The following ANO2 variants were observed in gnomAD, a reference collection of about 807,000 sequenced individuals.
ANO2 encodes anoctamin-2.
A neutral mutation model predicts 124.2 loss-of-function variants in ANO2; 101 were observed. The ratio of observed to expected loss-of-function variants is 0.81; its 90% CI spans 0.69 to 0.96. The LOEUF is 0.96. Ranked by LOEUF, ANO2 falls within the 40% of genes least tolerant of loss-of-function variation. ANO2 has a pLI of 0.00. For missense variants in ANO2, 1,293 were observed against 1,274.5 expected, an observed-to-expected ratio of 1.01 and a Z score of -0.22; for synonymous variants, 486 against 482.5, an observed-to-expected ratio of 1.01 and a Z score of -0.09.
chr12:5,803,578 G>T (rs1343997649), intron 9 of ANO2, among the ~76,000 whole-genome samples: 1 of 152,112 alleles, frequency 6.6e-6, no homozygotes, highest in African/African-American at 2.4e-5. Flanking sequence ...TGAGCAGATG[G>T]TGACAGCCAC....
intron 20 of ANO2, among the ~76,000 whole-genome samples, chr12:5,585,460 G>C (rs1008529545): frequency 1.3e-5 from 2 of 152,120 alleles, no homozygotes; most frequent in Non-Finnish European, 2.9e-5. Context: ...ATTTGGCTCC[G>C]AGTTTTCTTC....
At chr12:5,602,378 G>A (rs1943984761) in intron 19 of ANO2, among the ~76,000 whole-genome samples, 1 of 151,880 alleles carries the variant, frequency 6.6e-6, no homozygotes, top group East Asian at 1.9e-4. Flanking sequence ...AGCCTCCCAA[G>A]TAGCTAGGAC....
chr12:5,764,995 T>G (rs548975296), intron 10 of ANO2, among the ~76,000 whole-genome samples: 1 of 152,126 alleles, frequency 6.6e-6, no homozygotes, highest in Admixed American at 6.5e-5. Context: ...CTTCTAACTA[T>G]CCATATAAAC....
intron 4 of ANO2, among the ~76,000 whole-genome samples, chr12:5,846,544 A>G (rs749534273): frequency 3.3e-5 from 5 of 152,236 alleles, no homozygotes; most frequent in Non-Finnish European, 7.3e-5. Flanking sequence ...TGCCATAACA[A>G]ATTATCACAA....
At chr12:5,810,444 G>A (rs761296815) in intron 7 of ANO2, among the ~76,000 whole-genome samples, 1 of 152,046 alleles carries the variant, frequency 6.6e-6, no homozygotes, top group South Asian at 2.1e-4. Flanking sequence ...TTTCTTTTCA[G>A]CAAAAAATGG....
Position 5,658,976 on chromosome 12 carries a change from C to G in ANO2, c.1546-11175G>C, listed in dbSNP as rs1023329372. ...CTGTGGCCCCAACTGATAAGGAAAC[C>G]CAGTTAATTATGGGCAATGTTTTCT... On this transcript the variant is annotated intron_variant, in intron 14 of 24. Transcript: ENST00000682330. The surrounding 1 kb of genome is among the most constrained non-coding windows in gnomAD (Gnocchi z 4.3). Among the ~76,000 whole-genome samples the G allele has an allele frequency of 3.9e-5, 6 of 152,098 alleles. No individual in the cohort carries two copies. The highest frequency in any genetic ancestry group is 1.4e-4 in the African/African-American group (6 of 41,400).
At chr12:5,725,841 C>T (rs1950417033) in intron 14 of ANO2, among the ~76,000 whole-genome samples, 2 of 152,076 alleles carry the variant, frequency 1.3e-5, no homozygotes, top group African/African-American at 4.8e-5. Context: ...TTCGTATTGT[C>T]TCTGCTGACC....
chr12:5,895,148 G>A (rs1939684867), intron 3 of ANO2, among the ~76,000 whole-genome samples: 1 of 152,108 alleles, frequency 6.6e-6, no homozygotes, highest in Admixed American at 6.5e-5. Context: ...CCATTTGTTT[G>A]TGTCCTCTCT....
At chr12:5,590,451 T>C (rs924528292) in intron 20 of ANO2, among the ~76,000 whole-genome samples, 1 of 152,204 alleles carries the variant, frequency 6.6e-6, no homozygotes, top group Non-Finnish European at 1.5e-5. Flanking sequence ...GCCATTAATG[T>C]GGCACAGAAC....
At chr12:5,942,355 G>A (rs1942930440) in intron 1 of ANO2, among the ~76,000 whole-genome samples, 1 of 152,176 alleles carries the variant, frequency 6.6e-6, no homozygotes, top group South Asian at 2.1e-4. Flanking sequence ...ATGCCCACGT[G>A]ATAAATAATA....
chr12:5,732,795 C>T, intron 13 of ANO2, 165 bp from the exon 14 acceptor site: 2 of 1,602,292 alleles, frequency 1.2e-6, no homozygotes, highest in Non-Finnish European at 1.7e-6. Flanking sequence ...ACATCACATC[C>T]TAACATAAGA....
intron 16 of ANO2, among the ~76,000 whole-genome samples, chr12:5,621,841 G>C (rs1945133511): frequency 6.6e-6 from 1 of 151,922 alleles, no homozygotes; most frequent in African/African-American, 2.4e-5. Flanking sequence ...GAGAAGGGAA[G>C]GGGGAAAAAG....
intron 14 of ANO2, among the ~76,000 whole-genome samples, chr12:5,702,768 C>T (rs182468120): frequency 6.3e-4 from 95 of 151,968 alleles, no homozygotes; most frequent in Non-Finnish European, 5.9e-5. Flanking sequence ...ACATACAAAT[C>T]GAAGAGAAAA....
intron 20 of ANO2, among the ~76,000 whole-genome samples, chr12:5,582,697 G>T (rs140926174): frequency 1.1e-4 from 17 of 152,252 alleles, no homozygotes; most frequent in East Asian, 1.9e-4. Context: ...AAGTATGTTG[G>T]AGATCAACTC....
chr12:5,573,848 G>C (rs1227013826), intron 23 of ANO2, among the ~76,000 whole-genome samples: 1 of 152,176 alleles, frequency 6.6e-6, no homozygotes, highest in Non-Finnish European at 1.5e-5. Flanking sequence ...CCTGGAACTG[G>C]AATACCCTTC....
chr12:5,818,465 A>G (rs1953682069), intron 7 of ANO2, among the ~76,000 whole-genome samples: 1 of 78,808 alleles, frequency 1.3e-5, no homozygotes, highest in South Asian at 3.9e-4. Context: ...ATATATATAT[A>G]TATATATATA....
rs939372434 is a variant in ANO2 at position 5,575,806 on chromosome 12, G to T, written c.2621+28C>A. On this transcript the variant is annotated intron_variant, in intron 23 of 24. Coordinates refer to ENST00000682330, the MANE Select transcript of ANO2 (RefSeq NM_001364791.2). ...TTGGATCTATTGCTTCTGGTCCTCT[G>T]CTGCCCTTCTCCTGAAGATTACTTT... 3 of 1,607,692 alleles carry T rather than the reference G, an allele frequency of 1.9e-6. 1 individual carries two copies. In the South Asian group the frequency reaches 3.3e-5, roughly 18 times the overall value.
intron 3 of ANO2, among the ~76,000 whole-genome samples, chr12:5,909,223 A>C (rs1417227943): frequency 2.0e-5 from 3 of 152,208 alleles, no homozygotes; most frequent in African/African-American, 7.2e-5. Context: ...GCTCCCATTA[A>C]TATTCTCTCA....
intron 14 of ANO2, among the ~76,000 whole-genome samples, chr12:5,666,358 C>G (rs182214583): frequency 6.6e-6 from 1 of 152,108 alleles, no homozygotes; most frequent in African/African-American, 2.4e-5. Context: ...AGGGAAGGAA[C>G]GAGAGCCTCA....
Sources: allele counts gnomAD v4.1 joint callset (sites outside exome capture counted in the v4.1 genomes callset), GRCh38; gene constraint gnomAD v4.1.1; non-coding constraint Gnocchi (gnomAD v3.1); transcripts MANE v1.5; gene names NCBI Gene and HGNC (gene_info 2026-07-23, HGNC 2026-07-21).